CCSER1: variants seen among roughly 807,000 people sequenced by gnomAD.
CCSER1 encodes the protein coiled-coil serine rich protein 1.
Under a neutral mutation model 82.0 loss-of-function variants are expected in CCSER1, and 41 were observed. That is an observed-to-expected ratio of 0.50 (90% CI 0.39 to 0.65). The LOEUF is 0.65. Among genes scored for constraint, CCSER1 ranks in the 30% least tolerant of loss-of-function variants. CCSER1 has a pLI of 0.00. For missense variants in CCSER1, 1,119 were observed against 1,064.2 expected (o/e 1.05, Z -0.72); for synonymous variants, 414 against 383.9 (o/e 1.08, Z -0.92).
intron 10 of CCSER1, among the ~76,000 whole-genome samples, chr4:91,359,200 G>A: frequency 6.6e-6 from 1 of 150,986 alleles, no homozygotes; most frequent in East Asian, 1.9e-4. Flanking sequence ...ATACAGAACA[G>A]GGCAGGGAGT....
chr4:90,607,157 C>G (rs1784833170), intron 5 of CCSER1, among the ~76,000 whole-genome samples: 1 of 151,990 alleles, frequency 6.6e-6, no homozygotes, highest in Non-Finnish European at 1.5e-5. Flanking sequence ...TGCATTTTAA[C>G]CAAAAGCGTC....
chr4:90,359,686 G>A (rs886314796), intron 3 of CCSER1, among the ~76,000 whole-genome samples: 2 of 151,570 alleles, frequency 1.3e-5, no homozygotes, highest in African/African-American at 4.9e-5. Flanking sequence ...GCAGTGAGCC[G>A]ACATGTCACC....
In CCSER1 at chr4:90,646,219, G is replaced by T. The variant is rs569867259; in HGVS notation, c.1932+17987G>T. On this transcript the variant is annotated intron_variant, in intron 6 of 10. Coordinates refer to ENST00000509176, the MANE Select transcript of CCSER1 (RefSeq NM_001145065.2). ...TGCATATAGCAAAAATAGGAATTTTGGGGGAAAAATAATCATACTATATAG... is the reference window on the plus strand; with the variant it reads ...TGCATATAGCAAAAATAGGAATTTTTGGGGAAAAATAATCATACTATATAG... Among the ~76,000 whole-genome samples the T allele has an allele frequency of 5.1e-4, 78 of 152,148 alleles. 1 individual carries two copies. In the South Asian group the frequency reaches 0.014, roughly 27 times the overall value.
chr4:90,568,748 T>C (rs1057059695), intron 5 of CCSER1, among the ~76,000 whole-genome samples: 3 of 151,804 alleles, frequency 2.0e-5, no homozygotes, highest in African/African-American at 7.3e-5. Flanking sequence ...GCTTTTTTAC[T>C]TCCTCTCTTG....
At chr4:90,785,307 G>A (rs1754345513) in intron 7 of CCSER1, among the ~76,000 whole-genome samples, 1 of 152,082 alleles carries the variant, frequency 6.6e-6, no homozygotes, top group African/African-American at 2.4e-5. Flanking sequence ...CAAATTACAG[G>A]CATGAGCCAC....
chr4:91,079,462 G>A (rs1050932383), intron 9 of CCSER1, among the ~76,000 whole-genome samples: 1 of 152,136 alleles, frequency 6.6e-6, no homozygotes, highest in Non-Finnish European at 1.5e-5. Context: ...ACCAGCCACT[G>A]CAAAAACATG....
intron 1 of CCSER1, among the ~76,000 whole-genome samples, chr4:90,179,416 G>A (rs1202921631): frequency 6.6e-6 from 1 of 152,030 alleles, no homozygotes; most frequent in African/African-American, 2.4e-5. Flanking sequence ...TTAGAGACAG[G>A]GTCTCACTCT....
chr4:90,194,424 A>G (rs1342422871), intron 1 of CCSER1, among the ~76,000 whole-genome samples: 1 of 152,058 alleles, frequency 6.6e-6, no homozygotes, highest in East Asian at 1.9e-4. Context: ...CTATGAAAAT[A>G]TATCAGATAG....
At chr4:90,665,346 C>T (rs1449699324) in intron 6 of CCSER1, among the ~76,000 whole-genome samples, 9 of 147,648 alleles carry the variant, frequency 6.1e-5, no homozygotes, top group Non-Finnish European at 1.3e-4. Flanking sequence ...TTTTTTGAGA[C>T]GGAGTCTTGC....
chr4:91,349,288 A>G (rs915576851), intron 10 of CCSER1, among the ~76,000 whole-genome samples: 12 of 152,046 alleles, frequency 7.9e-5, no homozygotes, highest in African/African-American at 1.7e-4. Flanking sequence ...TGCTGTAGCT[A>G]TAGGTGTCAG....
chr4:91,157,066 T>C (rs548829260), intron 10 of CCSER1, among the ~76,000 whole-genome samples: 1 of 152,094 alleles, frequency 6.6e-6, no homozygotes, highest in South Asian at 2.1e-4. Flanking sequence ...ACATTTAATC[T>C]GTGCTAGAGT....
At chr4:91,178,242 G>T (rs954154785) in intron 10 of CCSER1, among the ~76,000 whole-genome samples, 1 of 152,084 alleles carries the variant, frequency 6.6e-6, no homozygotes, top group Non-Finnish European at 1.5e-5. Flanking sequence ...TATGTGGTCG[G>T]TTTTGGAATA....
At chr4:90,813,330 C>A (rs1758585888) in intron 7 of CCSER1, among the ~76,000 whole-genome samples, 1 of 152,238 alleles carries the variant, frequency 6.6e-6, no homozygotes, top group Non-Finnish European at 1.5e-5. Flanking sequence ...CTGTGTCTTA[C>A]ATCCAGGGAA....
At chr4:90,369,633 T>G (rs901528591) in intron 3 of CCSER1, among the ~76,000 whole-genome samples, 2 of 151,996 alleles carry the variant, frequency 1.3e-5, no homozygotes, top group African/African-American at 4.8e-5. Context: ...GGTTTATTAA[T>G]TGGGAGTGTA....
At chr4:90,891,757 T>C (rs1722999942) in intron 8 of CCSER1, among the ~76,000 whole-genome samples, 1 of 152,120 alleles carries the variant, frequency 6.6e-6, no homozygotes, top group African/African-American at 2.4e-5. Flanking sequence ...GGTTTTCATT[T>C]ATGTGAAAAA....
chr4:90,394,573 C>T (rs1751691376), intron 3 of CCSER1, among the ~76,000 whole-genome samples: 1 of 152,160 alleles, frequency 6.6e-6, no homozygotes, highest in Non-Finnish European at 1.5e-5. Flanking sequence ...AAAATAGCTA[C>T]ATAAATCTTA....
chr4:91,507,812 C>A (rs900279065), intron 10 of CCSER1, among the ~76,000 whole-genome samples: 1 of 151,762 alleles, frequency 6.6e-6, no homozygotes, highest in Non-Finnish European at 1.5e-5. Flanking sequence ...TTATCTAAGA[C>A]ATCAAATACT....
At chr4:90,673,628 C>G (rs552872088) in intron 6 of CCSER1, among the ~76,000 whole-genome samples, 51 of 152,090 alleles carry the variant, frequency 3.4e-4, no homozygotes, top group African/African-American at 1.2e-3. Flanking sequence ...ACTCTCCCAA[C>G]CTAGAAATCC....
chr4:90,373,373 G>A (rs1386696595), intron 3 of CCSER1, among the ~76,000 whole-genome samples: 1 of 152,190 alleles, frequency 6.6e-6, no homozygotes, highest in Non-Finnish European at 1.5e-5. Context: ...ATTGGAAGCA[G>A]TGGGATTAGT....
Sources: allele counts gnomAD v4.1 joint callset (sites outside exome capture counted in the v4.1 genomes callset), GRCh38; gene constraint gnomAD v4.1.1; transcripts MANE v1.5; gene names NCBI Gene and HGNC (gene_info 2026-07-23, HGNC 2026-07-21).